RILPL2: variants seen among roughly 807,000 people sequenced by gnomAD.
RILPL2 encodes the protein Rab interacting lysosomal protein like 2.
A neutral mutation model predicts 22.2 loss-of-function variants in RILPL2; 19 were observed. That is an observed-to-expected ratio of 0.86 (90% CI 0.60 to 1.25). RILPL2 has a LOEUF of 1.25. RILPL2 is among the 50% of genes most tolerant of loss of function. The probability of loss-of-function intolerance (pLI) is 0.00; values close to 1 mark genes in which losing one functional copy is unlikely to be tolerated. For synonymous variants in RILPL2, 123 were observed against 111.6 expected (o/e 1.10, Z -0.64); for missense variants, 243 against 263.6 (o/e 0.92, Z 0.54).
chr12:123,430,662 G>A lies in RILPL2; in HGVS notation c.340-3C>T, dbSNP rs1233239924. 2 of 1,573,528 alleles carry A rather than the reference G, an allele frequency of 1.3e-6. No individual in the cohort carries two copies. Among genetic ancestry groups the A allele is most frequent in the African/African-American group, 2.7e-5 (2 of 73,106 alleles). On this transcript the variant is annotated splice_region_variant and splice_polypyrimidine_tract_variant and intron_variant, in intron 1 of 3. Coordinates refer to ENST00000280571, the MANE Select transcript of RILPL2 (RefSeq NM_145058.3). ...ATTTTGTTTGGGCCCAGGTTCACCT[G>A]GAAGAAAAGACGCAACCTTTGCAAG...
At chr12:123,421,828 C>T (rs1314936121) in intron 3 of RILPL2, among the ~76,000 whole-genome samples, 3 of 151,738 alleles carry the variant, frequency 2.0e-5, no homozygotes, top group East Asian at 1.9e-4. Flanking sequence ...CCATCACGCC[C>T]GGCTAATTTT....
rs1351011972 is a variant in RILPL2, at chr12:123,436,096, G to T, written c.325C>A (p.Pro109Thr). ...EVEGLRRQSPPASGEVNLGPN... is the reference protein window; with the variant it reads ...EVEGLRRQSPTASGEVNLGPN... ...CCCACACTCACCTCCCCGCTGGCCG[G>T]AGGGCTCTGTCTCCGCAGCCCCTCC... The change falls in exon 1 of 4, where the codon CCG becomes ACG. Residue 109 changes from proline (P) to threonine (T), a missense_variant. Transcript: ENST00000280571. The surrounding 1 kb of genome is among the most constrained non-coding windows in gnomAD (Gnocchi z 6.7). 1.9e-6 allele frequency: 3 copies of T among 1,577,160 alleles called. No individual in the cohort carries two copies. In the African/African-American group the frequency reaches 4.1e-5, roughly 21 times the overall value.
chr12:123,415,713 C>T lies in RILPL2; in HGVS notation c.*178G>A. 1 of 721,524 alleles carries T rather than the reference C, an allele frequency of 1.4e-6. No homozygotes were observed. The highest frequency in any genetic ancestry group is 2.5e-6 in the Non-Finnish European group (1 of 402,372). The allele number at this position is 721,524 out of a possible 1,614,324, so 44.7% of individuals were successfully genotyped here. A position where few individuals can be genotyped will look rare whatever the true frequency, so the allele number is the denominator to read the frequency against. On this transcript the variant is annotated 3_prime_UTR_variant, in exon 4 of 4. Transcript: ENST00000280571. ...AAATCTTCAAGGGTGTCTAGTTCTG[C>T]AGCCAGGGAGAAAGTGATGCCAAGA...
At chr12:123,429,058 C>T (rs911858058) in intron 2 of RILPL2, among the ~76,000 whole-genome samples, 2 of 152,124 alleles carry the variant, frequency 1.3e-5, no homozygotes, top group South Asian at 2.1e-4. Flanking sequence ...CGAGTCTCAA[C>T]GTGATTATGG....
chr12:123,425,063 T>C (rs28520455), intron 2 of RILPL2, among the ~76,000 whole-genome samples: 43,888 of 151,504 alleles, frequency 0.29, 7,968 homozygotes, highest in Non-Finnish European at 0.41. Context: ...GTATTTTTAG[T>C]AGAGATAGGA....
chr12:123,419,244 C>G (rs1475099270), intron 3 of RILPL2, among the ~76,000 whole-genome samples: 1 of 151,676 alleles, frequency 6.6e-6, no homozygotes, highest in Non-Finnish European at 1.5e-5. Context: ...AGGATGGTCT[C>G]CATATCCTGA....
At chr12:123,412,083 T>C (rs1878990466), downstream of RILPL2, 1 of 152,158 alleles carries the variant, frequency 6.6e-6, no homozygotes, top group African/African-American at 2.4e-5. Context: ...ACCCAGGCCA[T>C]CTTAACCTTT....
chr12:123,425,928 A>G (rs1879431873), intron 2 of RILPL2, among the ~76,000 whole-genome samples: 1 of 152,132 alleles, frequency 6.6e-6, no homozygotes, highest in African/African-American at 2.4e-5. Flanking sequence ...CTGGGATTAC[A>G]GGCGTGAGCC....
At chr12:123,415,985 C>T in intron 3 of RILPL2, 64 bp from the exon 4 acceptor site, 2 of 1,554,150 alleles carry the variant, frequency 1.3e-6, no homozygotes, top group Non-Finnish European at 1.8e-6. Flanking sequence ...CACAGCAACC[C>T]CCGTAAAATT....
At chr12:123,424,130 T>C (rs1158718073) in intron 2 of RILPL2, among the ~76,000 whole-genome samples, 1 of 152,138 alleles carries the variant, frequency 6.6e-6, no homozygotes, top group African/African-American at 2.4e-5. Context: ...TGATACATAG[T>C]GCTTAACATT....
chr12:123,416,150 C>A, intron 3 of RILPL2, among the ~76,000 whole-genome samples: 1 of 144,042 alleles, frequency 6.9e-6, no homozygotes, highest in Non-Finnish European at 1.5e-5. Context: ...CATAGTGAGA[C>A]CCCATCTCTA....
chr12:123,435,343 G>A (rs193258174), intron 1 of RILPL2, among the ~76,000 whole-genome samples: 1 of 152,242 alleles, frequency 6.6e-6, no homozygotes, highest in African/African-American at 2.4e-5. Context: ...CAATTGGGTT[G>A]CATTTAGAGT....
intron 1 of RILPL2, among the ~76,000 whole-genome samples, chr12:123,433,034 C>G (rs1879695387): frequency 6.6e-6 from 1 of 151,664 alleles, no homozygotes; most frequent in Non-Finnish European, 1.5e-5. Context: ...TACAGGGAAA[C>G]TTCATACTTC....
At chr12:123,423,405 T>C (rs561895730) in intron 2 of RILPL2, among the ~76,000 whole-genome samples, 2 of 152,030 alleles carry the variant, frequency 1.3e-5, no homozygotes, top group Admixed American at 6.6e-5. Flanking sequence ...TTCACCGTGT[T>C]GCCCAGGCTG....
At chr12:123,430,471 G>C in intron 2 of RILPL2, 37 bp downstream of exon 2, 1 of 1,551,476 alleles carries the variant, frequency 6.4e-7, no homozygotes, top group South Asian at 1.2e-5. Flanking sequence ...TTCTGGGCCA[G>C]GTCTGGGTGC....
downstream of RILPL2, among the ~76,000 whole-genome samples, chr12:123,410,444 C>T (rs995423213): frequency 1.3e-5 from 2 of 152,164 alleles, no homozygotes; most frequent in African/African-American, 2.4e-5. Flanking sequence ...TGACATTGGT[C>T]AAGTCACTTC....
At chr12:123,428,942 G>A (rs867760014) in intron 2 of RILPL2, among the ~76,000 whole-genome samples, 1 of 152,084 alleles carries the variant, frequency 6.6e-6, no homozygotes, top group Admixed American at 6.6e-5. Context: ...AACATGCTTC[G>A]TTTAACTCAG....
At chr12:123,414,024 G>C (rs1015451114), downstream of RILPL2, 1 of 153,380 alleles carries the variant, frequency 6.5e-6, no homozygotes. Flanking sequence ...CACGTCCCCA[G>C]CAGACTCAGG....
intron 2 of RILPL2, among the ~76,000 whole-genome samples, chr12:123,423,747 A>G (rs1392660417): frequency 1.4e-5 from 2 of 147,986 alleles, no homozygotes; most frequent in African/African-American, 5.0e-5. Flanking sequence ...TCCGCCTCCC[A>G]GGTTCCCGCC....
Sources: allele counts gnomAD v4.1 joint callset (sites outside exome capture counted in the v4.1 genomes callset), GRCh38; gene constraint gnomAD v4.1.1; non-coding constraint Gnocchi (gnomAD v3.1); transcripts MANE v1.5; gene names NCBI Gene and HGNC (gene_info 2026-07-23, HGNC 2026-07-21).